The following MAPK10 variants were observed in gnomAD, a reference collection of about 807,000 sequenced individuals.
MAPK10 encodes mitogen-activated protein kinase 10, also known as JNK3 alpha protein kinase.
MAPK10 carries 25 observed loss-of-function variants against 59.3 expected under a neutral mutation model. The observed-to-expected ratio is 0.42, with a 90% CI of 0.31 to 0.59. The LOEUF is 0.59. MAPK10 is among the 20% of genes least tolerant of loss of function. MAPK10 has a pLI of 0.15. For synonymous variants in MAPK10, 190 were observed against 200.5 expected, an observed-to-expected ratio of 0.95 and a Z score of 0.44; for missense variants, 351 against 568.9, an observed-to-expected ratio of 0.62 and a Z score of 3.90.
chr4:86,240,500 T>G (rs1409385145), intron 2 of MAPK10, among the ~76,000 whole-genome samples: 2 of 151,424 alleles, frequency 1.3e-5, no homozygotes, highest in Non-Finnish European at 3.0e-5. Context: ...TTTGTAGGTC[T>G]CCTGTTTTAT....
chr4:86,272,033 T>G (rs923263834), intron 2 of MAPK10, among the ~76,000 whole-genome samples: 1 of 152,044 alleles, frequency 6.6e-6, no homozygotes, highest in African/African-American at 2.4e-5. Context: ...TGTGGCCATC[T>G]TTATGTCCTT....
At chr4:86,241,475 A>G (rs1334464305) in intron 2 of MAPK10, among the ~76,000 whole-genome samples, 3 of 152,048 alleles carry the variant, frequency 2.0e-5, no homozygotes, top group Non-Finnish European at 4.4e-5. Context: ...AATCAATTGT[A>G]GCTTTGGTCT....
intron 1 of MAPK10, among the ~76,000 whole-genome samples, chr4:86,381,263 G>A (rs1283032530): frequency 6.6e-6 from 1 of 152,076 alleles, no homozygotes; most frequent in Non-Finnish European, 1.5e-5. Flanking sequence ...TCCTGGCCTT[G>A]TAACATGGAA....
intron 1 of MAPK10, among the ~76,000 whole-genome samples, chr4:86,550,393 A>C (rs1001873856): frequency 5.6e-5 from 6 of 106,888 alleles, no homozygotes; most frequent in African/African-American, 1.7e-4. Context: ...AAAAAAAAAA[A>C]AAAAAAAAAA....
At chr4:86,392,705 A>T (rs1260003357) in intron 1 of MAPK10, among the ~76,000 whole-genome samples, 1 of 152,230 alleles carries the variant, frequency 6.6e-6, no homozygotes, top group Non-Finnish European at 1.5e-5. Context: ...AAAGGTGCTC[A>T]ATAAATACTT....
chr4:86,174,304 A>C (rs1029397430), intron 3 of MAPK10, among the ~76,000 whole-genome samples: 1 of 152,220 alleles, frequency 6.6e-6, no homozygotes, highest in Non-Finnish European at 1.5e-5. Context: ...GAGGAATGAG[A>C]TCATATCCTT....
intron 2 of MAPK10, among the ~76,000 whole-genome samples, chr4:86,328,819 G>C (rs867573328): frequency 6.6e-6 from 1 of 152,090 alleles, no homozygotes; most frequent in African/African-American, 2.4e-5. Context: ...CATGGACACA[G>C]GGAGGGAAAC....
intron 4 of MAPK10, among the ~76,000 whole-genome samples, chr4:86,141,826 A>G (rs754915837): frequency 1.3e-5 from 2 of 152,186 alleles, no homozygotes; most frequent in African/African-American, 2.4e-5. Context: ...AACACCTGAG[A>G]CTGGGTAATT....
chr4:86,570,594 T>G (rs1761377971), intron 1 of MAPK10, among the ~76,000 whole-genome samples: 1 of 152,172 alleles, frequency 6.6e-6, no homozygotes, highest in Non-Finnish European at 1.5e-5. Flanking sequence ...TGCTGTAAAC[T>G]TCACAGAAAA....
chr4:86,229,863 C>T (rs1406809417), intron 2 of MAPK10, among the ~76,000 whole-genome samples: 1 of 151,946 alleles, frequency 6.6e-6, no homozygotes, highest in Admixed American at 6.6e-5. Flanking sequence ...CAATACCAGC[C>T]TGGGCAACAT....
intron 2 of MAPK10, chr4:86,300,877 A>G (rs2148844885): frequency 6.8e-6 from 1 of 147,766 alleles, no homozygotes; most frequent in Non-Finnish European, 1.5e-5. Flanking sequence ...AAGAGAGATC[A>G]AATTGTTAAA....
intron 11 of MAPK10, among the ~76,000 whole-genome samples, chr4:86,038,163 C>T (rs2040734269): frequency 1.3e-5 from 2 of 152,196 alleles, no homozygotes; most frequent in South Asian, 4.1e-4. Flanking sequence ...TGACATTTTT[C>T]CCTAACACTT....
At chr4:86,341,951 A>C (rs770219264) in intron 2 of MAPK10, among the ~76,000 whole-genome samples, 1 of 152,192 alleles carries the variant, frequency 6.6e-6, no homozygotes, top group Non-Finnish European at 1.5e-5. Flanking sequence ...CTGAAGCGTA[A>C]GAGGTTACGT....
At chr4:86,289,949 G>A (rs1007354748) in intron 2 of MAPK10, among the ~76,000 whole-genome samples, 24 of 152,114 alleles carry the variant, frequency 1.6e-4, no homozygotes, top group Admixed American at 3.3e-4. Flanking sequence ...ATAAGGTGAA[G>A]CATTTGTTGG....
intron 1 of MAPK10, among the ~76,000 whole-genome samples, chr4:86,406,709 T>C (rs1324313348): frequency 6.6e-6 from 1 of 152,048 alleles, no homozygotes; most frequent in Non-Finnish European, 1.5e-5. Context: ...AAAAGAGACA[T>C]GGGGCTTAAT....
intron 1 of MAPK10, among the ~76,000 whole-genome samples, chr4:86,540,642 CAG>C (rs141919054): frequency 0.047 from 7,131 of 152,174 alleles, 220 homozygotes; most frequent in African/African-American, 0.059. Flanking sequence ...AAAAATAATG[CAG>C]TACTTAATAT....
At chr4:86,195,563 CT>C (rs1422666928) in intron 2 of MAPK10, among the ~76,000 whole-genome samples, 2 of 150,708 alleles carry the variant, frequency 1.3e-5, no homozygotes, top group African/African-American at 2.5e-5. Flanking sequence ...AACTTTACTT[CT>C]TTTTTTATTT....
intron 2 of MAPK10, among the ~76,000 whole-genome samples, chr4:86,207,744 C>T (rs1421812279): frequency 2.0e-5 from 3 of 152,018 alleles, no homozygotes; most frequent in African/African-American, 4.8e-5. Context: ...TTGTAGTTCT[C>T]CTTGAAGAAG....
chr4:86,540,391 T>G (rs1758585873), intron 1 of MAPK10, among the ~76,000 whole-genome samples: 1 of 152,100 alleles, frequency 6.6e-6, no homozygotes. Flanking sequence ...TCCCAACTAC[T>G]CAGGGGGCTG....
Sources: gnomAD v4.1 joint callset for allele counts (sites outside exome capture counted in the v4.1 genomes callset) on GRCh38, gnomAD v4.1.1 for gene constraint, MANE v1.5 for transcripts, NCBI Gene and HGNC (gene_info 2026-07-23, HGNC 2026-07-21) for gene names.